PLPP4: variants seen among roughly 807,000 people sequenced by gnomAD.
The protein encoded by PLPP4 is diacylglycerol pyrophosphate like 2.
A neutral mutation model predicts 32.2 loss-of-function variants in PLPP4; 20 were observed. The observed-to-expected ratio is 0.62, with a 90% CI of 0.44 to 0.90. The LOEUF is 0.90. PLPP4 is among the 40% of genes least tolerant of loss of function. The pLI is 0.00. For missense variants in PLPP4, 257 were observed against 353.1 expected, an observed-to-expected ratio of 0.73 and a Z score of 2.18; for synonymous variants, 127 against 133.0, an observed-to-expected ratio of 0.95 and a Z score of 0.31.
At position 120,561,108 on chromosome 10, in the gene PLPP4, C is replaced by T. The variant is rs112785151; in HGVS notation, c.446-14023C>T. 8.4e-3 allele frequency among the ~76,000 whole-genome samples: 1,282 copies of T among 152,292 alleles called. 23 individuals carry two copies. Among genetic ancestry groups the T allele is most frequent in the African/African-American group, 0.03 (1,228 of 41,560 alleles). On this transcript the variant is annotated intron_variant, in intron 5 of 6. Coordinates refer to ENST00000398250, the MANE Select transcript of PLPP4 (RefSeq NM_001030059.3). ...TCCCAGTTGACCAGCAGTCCTTTAGCGCTTTGGTCAAACAAGTATCCAGTC... is the reference window on the plus strand; with the variant it reads ...TCCCAGTTGACCAGCAGTCCTTTAGTGCTTTGGTCAAACAAGTATCCAGTC...
chr10:120,463,716 C>G (rs1361860179), intron 1 of PLPP4, among the ~76,000 whole-genome samples: 10 of 152,206 alleles, frequency 6.6e-5, no homozygotes, highest in Non-Finnish European at 1.3e-4. Context: ...GACAGAGTCT[C>G]TCTCTGTTGC....
Position 120,488,771 on chromosome 10 carries a change from C to A in PLPP4, c.57-15047C>A, listed in dbSNP as rs547622668. On this transcript the variant is annotated intron_variant, in intron 1 of 6. Coordinates refer to ENST00000398250, the MANE Select transcript of PLPP4 (RefSeq NM_001030059.3). ...CCCACCCATTGTCCCACCCTCACCT[C>A]AGTGTGCTCTTGCCCCACATTTTCA... Among the ~76,000 whole-genome samples the A allele has an allele frequency of 2.0e-3, 312 of 152,304 alleles. 2 individuals carry two copies. Among genetic ancestry groups the A allele is most frequent in the African/African-American group, 7.2e-3 (299 of 41,572 alleles).
intron 2 of PLPP4, among the ~76,000 whole-genome samples, chr10:120,509,878 G>A (rs1450210551): frequency 6.6e-6 from 1 of 152,138 alleles, no homozygotes; most frequent in African/African-American, 2.4e-5. Flanking sequence ...TGGAAAAAAA[G>A]CATGCACTAT....
intron 5 of PLPP4, among the ~76,000 whole-genome samples, chr10:120,557,362 G>A (rs1460536157): frequency 6.6e-6 from 1 of 152,100 alleles, no homozygotes; most frequent in Admixed American, 6.6e-5. Flanking sequence ...TTGCTAAATC[G>A]ATGTTTTCAG....
intron 5 of PLPP4, among the ~76,000 whole-genome samples, chr10:120,538,735 A>G (rs1847188723): frequency 6.6e-6 from 1 of 152,322 alleles, no homozygotes; most frequent in Admixed American, 6.5e-5. Flanking sequence ...GCAAATGGCT[A>G]TCATTTATTA....
At position 120,558,334 on chromosome 10, in the gene PLPP4, G is replaced by T. The variant is rs566412691; in HGVS notation, c.446-16797G>T. ...ATATGTTTTGTGATTTGCTAATTTT[G>T]CTCATTATTATTTTTTGAGATTCTT... On this transcript the variant is annotated intron_variant, in intron 5 of 6. Coordinates refer to ENST00000398250, the MANE Select transcript of PLPP4 (RefSeq NM_001030059.3). 1.2e-4 allele frequency among the ~76,000 whole-genome samples: 18 copies of T among 151,124 alleles called. No individual in the cohort carries two copies. The East Asian group carries it at 3.3e-3, about 28-fold the overall frequency.
intron 1 of PLPP4, among the ~76,000 whole-genome samples, chr10:120,464,390 A>G (rs1000613514): frequency 4.6e-5 from 7 of 152,240 alleles, no homozygotes; most frequent in Non-Finnish European, 1.0e-4. Flanking sequence ...CATAATATAC[A>G]CTAAAGAGAA....
At chr10:120,503,458 C>T in intron 1 of PLPP4, 5 of 1,309,752 alleles carry the variant, frequency 3.8e-6, no homozygotes, top group East Asian at 2.5e-5. Context: ...CCACCTCAAA[C>T]CCATTTTGTT....
intron 1 of PLPP4, among the ~76,000 whole-genome samples, chr10:120,463,470 T>A (rs1416860174): frequency 6.6e-6 from 1 of 152,222 alleles, no homozygotes; most frequent in Admixed American, 6.5e-5. Flanking sequence ...AGTTTCTTCA[T>A]GTAGGAAATG....
rs537267338 is a variant in PLPP4 at position 120,519,952 on chromosome 10, G to T, written c.321-1019G>T. 4.6e-5 allele frequency among the ~76,000 whole-genome samples: 7 copies of T among 152,322 alleles called. No homozygotes were observed. In the South Asian group the frequency reaches 1.5e-3, roughly 32 times the overall value. ...AATGTGTCAGCATGAAGATCCAGGCGCTGGTGTTCAAAGCTTGTCCTTGCC... is the reference window on the plus strand; with the variant it reads ...AATGTGTCAGCATGAAGATCCAGGCTCTGGTGTTCAAAGCTTGTCCTTGCC... On this transcript the variant is annotated intron_variant, in intron 4 of 6. Coordinates refer to ENST00000398250, the MANE Select transcript of PLPP4 (RefSeq NM_001030059.3).
Position 120,552,766 on chromosome 10 carries a change from A to T in PLPP4, c.446-22365A>T, listed in dbSNP as rs11199396. On this transcript the variant is annotated intron_variant, in intron 5 of 6. Coordinates refer to ENST00000398250, the MANE Select transcript of PLPP4 (RefSeq NM_001030059.3). ...AAACTAACTTTCACCACTGAGCCTC[A>T]TTTCTTGCAAGCTATAGACTTGTAT... Among the ~76,000 whole-genome samples, 1,422 of 152,234 alleles carry T rather than the reference A, an allele frequency of 9.3e-3. 11 individuals are homozygous for T. Among genetic ancestry groups the T allele is most frequent in the Non-Finnish European group, 0.015 (1,015 of 68,020 alleles).
chr10:120,546,002 T>A (rs971146208), intron 5 of PLPP4, among the ~76,000 whole-genome samples: 1 of 152,184 alleles, frequency 6.6e-6, no homozygotes, highest in Non-Finnish European at 1.5e-5. Flanking sequence ...CCCTTGAACA[T>A]TGGACTCCAA....
intron 3 of PLPP4, among the ~76,000 whole-genome samples, chr10:120,514,612 G>A (rs938791406): frequency 1.3e-5 from 2 of 152,152 alleles, no homozygotes; most frequent in African/African-American, 4.8e-5. Flanking sequence ...ATGTCTGCAT[G>A]GGACAAGAGT....
At chr10:120,571,067 C>T (rs1848912158) in intron 5 of PLPP4, among the ~76,000 whole-genome samples, 3 of 148,136 alleles carry the variant, frequency 2.0e-5, no homozygotes, top group Admixed American at 6.8e-5. Flanking sequence ...ACTATGCTTA[C>T]TTCCTTCCCA....
intron 5 of PLPP4, among the ~76,000 whole-genome samples, chr10:120,553,863 T>C (rs1443664089): frequency 6.6e-6 from 1 of 152,194 alleles, no homozygotes; most frequent in East Asian, 1.9e-4. Flanking sequence ...CGAGAAACTA[T>C]TCTTCTCTCC....
rs115812910 is a variant in PLPP4, at chr10:120,506,864, G to T, written c.165+2938G>T. Among the ~76,000 whole-genome samples, 559 of 152,298 alleles carry T rather than the reference G, an allele frequency of 3.7e-3. 6 individuals are homozygous for T. The highest frequency in any genetic ancestry group is 0.013 in the African/African-American group (529 of 41,552). On this transcript the variant is annotated intron_variant, in intron 2 of 6. Transcript: ENST00000398250. ...TAGTTGGAACTGTTTGATTCCAAGA[G>T]CTTGTTTCCCTTGACAACCCAGTGT...
chr10:120,545,901 C>T (rs868004754), intron 5 of PLPP4, among the ~76,000 whole-genome samples: 3 of 152,262 alleles, frequency 2.0e-5, no homozygotes, highest in East Asian at 1.9e-4. Flanking sequence ...GCTGCCAGCG[C>T]GGCTAGAATA....
intron 5 of PLPP4, among the ~76,000 whole-genome samples, chr10:120,559,276 C>A (rs975022405): frequency 6.7e-6 from 1 of 148,648 alleles, no homozygotes; most frequent in Non-Finnish European, 1.5e-5. Context: ...TGGCAAATAT[C>A]TCCCTTTCCT....
intron 1 of PLPP4, among the ~76,000 whole-genome samples, chr10:120,458,519 C>T (rs1029659765): frequency 6.6e-6 from 1 of 152,228 alleles, no homozygotes; most frequent in Admixed American, 6.5e-5. Flanking sequence ...CCAGGGGATA[C>T]ACATGGAAAG....
Sources: allele counts gnomAD v4.1 joint callset (sites outside exome capture counted in the v4.1 genomes callset), GRCh38; gene constraint gnomAD v4.1.1; transcripts MANE v1.5; gene names NCBI Gene and HGNC (gene_info 2026-07-23, HGNC 2026-07-21).